The following MYO10 variants were observed in gnomAD, a reference collection of about 807,000 sequenced individuals.
The protein encoded by MYO10 is myosin X.
A neutral mutation model predicts 257.3 loss-of-function variants in MYO10; 133 were observed. The observed-to-expected ratio is 0.52, with a 90% CI of 0.45 to 0.60. MYO10 has a LOEUF of 0.60. Ranked by LOEUF, MYO10 falls within the 20% of genes least tolerant of loss-of-function variation. The pLI, the probability that MYO10 is intolerant of heterozygous loss-of-function variation, is 0.00. For missense variants in MYO10, 2,399 were observed against 2,635.7 expected, an observed-to-expected ratio of 0.91 and a Z score of 1.97; for synonymous variants, 1,104 against 1,028.6, an observed-to-expected ratio of 1.07 and a Z score of -1.40.
At chr5:16,934,515 T>C in intron 1 of MYO10, among the ~76,000 whole-genome samples, 1 of 152,200 alleles carries the variant, frequency 6.6e-6, no homozygotes, top group Non-Finnish European at 1.5e-5. Flanking sequence ...CTGGTGCCTT[T>C]CGACAAGCAT....
In MYO10 at chr5:16,783,319, G is replaced by A. The variant is rs751317841; in HGVS notation, c.602+16C>T. 1.9e-6 allele frequency: 3 copies of A among 1,541,142 alleles called. No homozygotes were observed. The Admixed American group carries it at 6.7e-5, about 34-fold the overall frequency. On this transcript the variant is annotated intron_variant, in intron 5 of 40. Transcript: ENST00000513610. ...AGTGAATCCTATTAGTTGGAAACAA[G>A]AAAATCAATAAATACCTGCTTTCAA...
intron 4 of MYO10, among the ~76,000 whole-genome samples, chr5:16,785,488 G>C (rs1741550805): frequency 6.6e-6 from 1 of 152,228 alleles, no homozygotes; most frequent in South Asian, 2.1e-4. Context: ...AAATGGTGAG[G>C]CCGAAACAAT....
intron 9 of MYO10, among the ~76,000 whole-genome samples, chr5:16,769,615 C>G (rs978134321): frequency 2.0e-5 from 3 of 152,172 alleles, no homozygotes; most frequent in Non-Finnish European, 4.4e-5. Context: ...TCTGGGATTA[C>G]AGGCGTGAGC....
intron 2 of MYO10, among the ~76,000 whole-genome samples, chr5:16,825,993 C>T (rs1742988174): frequency 6.6e-6 from 1 of 151,926 alleles, no homozygotes; most frequent in Admixed American, 6.6e-5. Context: ...ACTAAAAATA[C>T]AATAATTAGC....
intron 1 of MYO10, among the ~76,000 whole-genome samples, chr5:16,883,262 A>G (rs1243536427): frequency 6.6e-6 from 1 of 152,190 alleles, no homozygotes; most frequent in Non-Finnish European, 1.5e-5. Flanking sequence ...TCTCAAATGC[A>G]CATGAACATT....
chr5:16,875,373 C>A (rs1744572262), intron 2 of MYO10, among the ~76,000 whole-genome samples: 1 of 152,168 alleles, frequency 6.6e-6, no homozygotes. Context: ...TCCTATCCTA[C>A]AGGGAAACTT....
chr5:16,908,983 G>A (rs1281005840), intron 1 of MYO10, among the ~76,000 whole-genome samples: 7 of 152,224 alleles, frequency 4.6e-5, no homozygotes, highest in Non-Finnish European at 8.8e-5. Flanking sequence ...AGAATAAGGA[G>A]TGACTGCTGA....
At position 16,711,160 on chromosome 5, in the gene MYO10, C is replaced by A; in HGVS notation, c.2015G>T (p.Gly672Val). 6.2e-7 allele frequency: 1 copy of A among 1,613,824 alleles called. No individual in the cohort carries two copies. Among genetic ancestry groups the A allele is most frequent in the Non-Finnish European group, 8.5e-7 (1 of 1,179,844 alleles). Residue 672 changes from glycine (G) to valine (V), a missense_variant, in exon 20 of 41, where the codon GGG becomes GTG. Coordinates refer to ENST00000513610, the MANE Select transcript of MYO10 (RefSeq NM_012334.3). ...CTGAAAGGGTCTTCGGACCGCATACCCAGCTTTGCGGATTCTCACAGTCTC... is the reference window on the plus strand; with the variant it reads ...CTGAAAGGGTCTTCGGACCGCATACACAGCTTTGCGGATTCTCACAGTCTC... ...MLETVRIRKAGYAVRRPFQDF... is the reference protein window; with the variant it reads ...MLETVRIRKAVYAVRRPFQDF...
chr5:16,667,388 C>T (rs548662882), intron 40 of MYO10, among the ~76,000 whole-genome samples: 1 of 152,312 alleles, frequency 6.6e-6, no homozygotes, highest in South Asian at 2.1e-4. Context: ...GCCTGGATCC[C>T]TGTGCAGGCA....
chr5:16,866,014 AACACACACAC>A lies in MYO10; in HGVS notation c.120+11585_120+11594del, dbSNP rs34718010. 2.6e-3 allele frequency among the ~76,000 whole-genome samples: 355 copies of A among 136,560 alleles called. 4 individuals carry two copies. The highest frequency in any genetic ancestry group is 6.2e-3 in the East Asian group (29 of 4,678). The allele number at this position is 136,560 out of a possible 152,430, so 89.6% of individuals were successfully genotyped here. On this transcript the variant is annotated intron_variant, in intron 2 of 40. Transcript: ENST00000513610. ...GTTTTATGTCATATTTATTTACCCA[AACACACACAC>A]ACACACACACACACACACACACACA...
At position 16,662,143 on chromosome 5, in the gene MYO10, C is replaced by T. The variant is rs1364032128; in HGVS notation, c.*4549G>A. On this transcript the variant is annotated 3_prime_UTR_variant, in exon 41 of 41. Transcript: ENST00000513610. Reference sequence around the variant, plus strand: ...TATGCACTTGTTTTGTCCCCTATTACAGTATAAACTTTTGGTGAATAGGGA... The same window carrying T: ...TATGCACTTGTTTTGTCCCCTATTATAGTATAAACTTTTGGTGAATAGGGA... 3.3e-5 allele frequency: 5 copies of T among 151,978 alleles called. No homozygotes were observed. Among genetic ancestry groups the T allele is most frequent in the African/African-American group, 4.8e-5 (2 of 41,332 alleles). 9.4% of individuals were successfully genotyped at this position (151,978 alleles called of 1,614,324 possible). A position where few individuals can be genotyped will look rare whatever the true frequency, so the allele number is the denominator to read the frequency against.
intron 1 of MYO10, among the ~76,000 whole-genome samples, chr5:16,904,471 G>C (rs1745466782): frequency 6.6e-6 from 1 of 152,198 alleles, no homozygotes; most frequent in East Asian, 1.9e-4. Context: ...ATCAAAAATG[G>C]GGAGCAGACT....
At chr5:16,818,888 T>G (rs758233328) in intron 2 of MYO10, among the ~76,000 whole-genome samples, 1 of 152,224 alleles carries the variant, frequency 6.6e-6, no homozygotes. Flanking sequence ...CTCCATTTGA[T>G]ATAAATCAGT....
intron 3 of MYO10, among the ~76,000 whole-genome samples, chr5:16,803,818 C>T (rs1389247025): frequency 6.6e-6 from 1 of 152,174 alleles, no homozygotes; most frequent in East Asian, 1.9e-4. Context: ...CAGTAGACAA[C>T]AGCCCAATAT....
At chr5:16,766,803 T>G (rs1447468201) in intron 10 of MYO10, among the ~76,000 whole-genome samples, 1 of 142,428 alleles carries the variant, frequency 7.0e-6, no homozygotes, top group Non-Finnish European at 1.5e-5. Flanking sequence ...GGAGTCTCAC[T>G]CTGTAGCCCA....
At chr5:16,844,954 GCACACACACA>G (rs70943809) in intron 2 of MYO10, among the ~76,000 whole-genome samples, 37 of 142,404 alleles carry the variant, frequency 2.6e-4, no homozygotes, top group African/African-American at 9.7e-4. Flanking sequence ...ACACACACAC[GCACACACACA>G]CACACACACA....
intron 2 of MYO10, among the ~76,000 whole-genome samples, chr5:16,839,470 G>A (rs879865685): frequency 2.6e-5 from 4 of 152,284 alleles, no homozygotes; most frequent in Admixed American, 2.6e-4. Context: ...CAAGCCAGGT[G>A]CAGTGGCTCA....
At chr5:16,857,574 G>C (rs77139720) in intron 2 of MYO10, among the ~76,000 whole-genome samples, 1 of 152,188 alleles carries the variant, frequency 6.6e-6, no homozygotes, top group Non-Finnish European at 1.5e-5. Context: ...AACACCTGCT[G>C]AATCAGAAGC....
At chr5:16,778,383 G>A (rs1329527209) in intron 9 of MYO10, among the ~76,000 whole-genome samples, 1 of 152,314 alleles carries the variant, frequency 6.6e-6, no homozygotes, top group East Asian at 1.9e-4. Flanking sequence ...ACGAGGGCTG[G>A]ATGATACCTT....
Sources: gnomAD v4.1 joint callset for allele counts (sites outside exome capture counted in the v4.1 genomes callset) on GRCh38, gnomAD v4.1.1 for gene constraint, MANE v1.5 for transcripts, NCBI Gene and HGNC (gene_info 2026-07-23, HGNC 2026-07-21) for gene names.